Variants in LPCAT3 observed in about 807,000 individuals in gnomAD.
LPCAT3 encodes the protein lysophosphatidylcholine acyltransferase 3, also known as lysophospholipid acyltransferase 5.
A neutral mutation model predicts 63.4 loss-of-function variants in LPCAT3; 21 were observed. The observed-to-expected ratio is 0.33, with a 90% CI of 0.23 to 0.48. The LOEUF (loss-of-function observed/expected upper bound fraction) is 0.48. Among genes scored for constraint, LPCAT3 ranks in the 20% least tolerant of loss-of-function variants. The pLI is 0.99. For missense variants in LPCAT3, 451 were observed against 590.6 expected, an observed-to-expected ratio of 0.76 and a Z score of 2.45; for synonymous variants, 242 against 227.5, an observed-to-expected ratio of 1.06 and a Z score of -0.58.
At chr12:6,997,153 CCTT>C (rs1946643626) in intron 1 of LPCAT3, 1 of 152,150 alleles carries the variant, frequency 6.6e-6, no homozygotes, top group Non-Finnish European at 1.5e-5. Flanking sequence ...TGTATATCCT[CCTT>C]TCACATTTTA....
At position 7,008,751 on chromosome 12, in the gene LPCAT3, C is replaced by CA. The variant is rs373623440; in HGVS notation, c.151+9522dup. Reference sequence around the variant, plus strand: ...TGGGCAACAAAGTGAGACTCCATCTCAAAAAAAAAACAAAAAACACAACTC... The same window carrying CA: ...TGGGCAACAAAGTGAGACTCCATCTCAAAAAAAAAAACAAAAAACACAACTC... On this transcript the variant is annotated intron_variant, in intron 1 of 12. Transcript: ENST00000261407. Among the ~76,000 whole-genome samples the CA allele has an allele frequency of 8.1e-3, 1,122 of 138,214 alleles. 8 individuals carry two copies. The highest frequency in any genetic ancestry group is 0.071 in the South Asian group (304 of 4,304). The allele number at this position is 138,214 out of a possible 152,430, so 90.7% of individuals were successfully genotyped here.
At chr12:6,979,616 G>T in intron 6 of LPCAT3, 37 bp from the exon 7 acceptor site, 2 of 1,401,054 alleles carry the variant, frequency 1.4e-6, no homozygotes, top group Non-Finnish European at 2.0e-6. Context: ...GTCACAGAGA[G>T]CAGAGACTAT....
At chr12:7,005,950 G>T (rs1021957160) in intron 1 of LPCAT3, among the ~76,000 whole-genome samples, 5 of 152,040 alleles carry the variant, frequency 3.3e-5, no homozygotes, top group Non-Finnish European at 2.9e-5. Context: ...CATACCAGCT[G>T]GAAATCTACT....
At chr12:6,982,860 TA>T in intron 2 of LPCAT3, 78 bp from the exon 3 acceptor site, 7 of 900,252 alleles carry the variant, frequency 7.8e-6, no homozygotes, top group Non-Finnish European at 1.2e-5. Flanking sequence ...ACGTAATATA[TA>T]AAGAAAAAAT....
Position 7,013,665 on chromosome 12 carries a change from G to A in LPCAT3, c.151+4609C>T, listed in dbSNP as rs375508658. 5.3e-5 allele frequency among the ~76,000 whole-genome samples: 8 copies of A among 152,240 alleles called. 1 individual carries two copies. Among genetic ancestry groups the A allele is most frequent in the African/African-American group, 7.2e-5 (3 of 41,524 alleles). On this transcript the variant is annotated intron_variant, in intron 1 of 12. Transcript: ENST00000261407. ...TGTCTACAGAATCTACCTTTCAAAAGGTTCCGGTATTCCTAGACCATCTCA... is the reference window on the plus strand; with the variant it reads ...TGTCTACAGAATCTACCTTTCAAAAAGTTCCGGTATTCCTAGACCATCTCA...
At chr12:7,011,261 C>T (rs1279984653) in intron 1 of LPCAT3, among the ~76,000 whole-genome samples, 2 of 152,180 alleles carry the variant, frequency 1.3e-5, no homozygotes, top group East Asian at 3.9e-4. Flanking sequence ...GTCTTGAACT[C>T]CCGGACTCAA....
chr12:6,989,365 A>G (rs1326510289), intron 1 of LPCAT3, among the ~76,000 whole-genome samples: 3 of 141,716 alleles, frequency 2.1e-5, no homozygotes, highest in East Asian at 2.1e-4. Context: ...GCTGGAGTGC[A>G]GTGGTGCAAT....
chr12:6,979,152 A>G, intron 7 of LPCAT3: 1 of 372,430 alleles, frequency 2.7e-6, no homozygotes, highest in Non-Finnish European at 4.9e-6. Context: ...TCAAGAGAAG[A>G]AAATAGGATG....
intron 1 of LPCAT3, among the ~76,000 whole-genome samples, chr12:6,998,730 T>C (rs782451023): frequency 3.9e-4 from 60 of 152,352 alleles, no homozygotes; most frequent in African/African-American, 1.4e-3. Flanking sequence ...GCCTTGTTGC[T>C]AGTACAGGCA....
At chr12:7,007,843 T>G (rs1268574029) in intron 1 of LPCAT3, among the ~76,000 whole-genome samples, 2 of 152,190 alleles carry the variant, frequency 1.3e-5, no homozygotes, top group Non-Finnish European at 2.9e-5. Flanking sequence ...ATGGTTAAAG[T>G]GAAGCATTTA....
chr12:6,977,037 G>T lies in LPCAT3; in HGVS notation c.*12+97C>A. 1.3e-6 allele frequency: 1 copy of T among 794,490 alleles called. No homozygotes were observed. The highest frequency in any genetic ancestry group is 2.2e-6 in the Non-Finnish European group (1 of 464,948). 49.2% of individuals were successfully genotyped at this position (794,490 alleles called of 1,614,324 possible). A position where few individuals can be genotyped will look rare whatever the true frequency, so the allele number is the denominator to read the frequency against. ...TTCCTTAGTAGCCAGGCTAATCCTT[G>T]GAATTCACCCCAGATTTCTAATACT... On this transcript the variant is annotated intron_variant, in intron 12 of 12. Coordinates refer to ENST00000261407, the MANE Select transcript of LPCAT3 (RefSeq NM_005768.6). This position sits in a 1 kb window ranked among gnomAD's most constrained non-coding sequence, Gnocchi z 4.5.
At chr12:7,002,191 CCTCT>C (rs1219424519) in intron 1 of LPCAT3, among the ~76,000 whole-genome samples, 1 of 152,120 alleles carries the variant, frequency 6.6e-6, no homozygotes, top group Non-Finnish European at 1.5e-5. Context: ...TCTCTCCTGC[CCTCT>C]CTGTTACTGC....
chr12:6,987,659 C>T lies in LPCAT3; in HGVS notation c.152-4120G>A. On this transcript the variant is annotated intron_variant, in intron 1 of 12. Transcript: ENST00000261407. This position sits in a 1 kb window ranked among gnomAD's most constrained non-coding sequence, Gnocchi z 4.1. ...TATCTAGAGCACTCATAAATAAGTT[C>T]TAGGTAGCTAAGTTTCTCTCTTTAA... 2.5e-6 allele frequency: 1 copy of T among 395,262 alleles called. No homozygotes were observed. Among genetic ancestry groups the T allele is most frequent in the East Asian group, 3.6e-5 (1 of 27,890 alleles). 24.5% of individuals were successfully genotyped at this position (395,262 alleles called of 1,614,324 possible).
chr12:7,018,257 G>T lies in LPCAT3; in HGVS notation c.151+17C>A. ...GGGGACTCCGCGAGGGGCGGAGGGA[G>T]GCAGGAGGGTCCTTACCCAGGAAGA... is the stretch of plus-strand genomic sequence containing the variant. On this transcript the variant is annotated intron_variant, in intron 1 of 12. Transcript: ENST00000261407. This position sits in a 1 kb window ranked among gnomAD's most constrained non-coding sequence, Gnocchi z 4.9. The T allele has an allele frequency of 6.3e-7, 1 of 1,587,552 alleles. No homozygotes were observed.
chr12:6,993,280 A>G (rs1195026660), intron 1 of LPCAT3, among the ~76,000 whole-genome samples: 3 of 151,918 alleles, frequency 2.0e-5, no homozygotes, highest in Admixed American at 1.3e-4. Context: ...TCTACTAACA[A>G]AAAATTAGCT....
intron 1 of LPCAT3, among the ~76,000 whole-genome samples, chr12:7,014,526 C>T (rs1946784820): frequency 6.6e-6 from 1 of 152,150 alleles, no homozygotes; most frequent in Non-Finnish European, 1.5e-5. Context: ...TCTGACTGCT[C>T]AAAATACTCC....
intron 1 of LPCAT3, among the ~76,000 whole-genome samples, chr12:7,007,434 TA>T (rs1946733549): frequency 6.6e-6 from 1 of 151,100 alleles, no homozygotes; most frequent in Non-Finnish European, 1.5e-5. Flanking sequence ...AGTTTTCTTA[TA>T]AAAGTGCCAT....
rs1408359551 is a variant in LPCAT3, at chr12:6,987,598, G to A, written c.152-4059C>T. Reference sequence around the variant, plus strand: ...TTATTTTTACTTTTGTTTTAGTAACGGGGTATAAATAAAAAAATATAAAAC... The same window carrying A: ...TTATTTTTACTTTTGTTTTAGTAACAGGGTATAAATAAAAAAATATAAAAC... On this transcript the variant is annotated intron_variant, in intron 1 of 12. Transcript: ENST00000261407. This position sits in a 1 kb window ranked among gnomAD's most constrained non-coding sequence, Gnocchi z 4.1. Among the ~76,000 whole-genome samples the A allele has an allele frequency of 2.0e-5, 3 of 152,050 alleles. No individual in the cohort carries two copies. The highest frequency in any genetic ancestry group is 4.8e-5 in the African/African-American group (2 of 41,372).
intron 1 of LPCAT3, among the ~76,000 whole-genome samples, chr12:7,011,388 G>A (rs1466538293): frequency 6.6e-6 from 1 of 152,136 alleles, no homozygotes; most frequent in Non-Finnish European, 1.5e-5. Context: ...GCTTATGCCT[G>A]TAATCTCAGC....
Sources: gnomAD v4.1 joint callset for allele counts (sites outside exome capture counted in the v4.1 genomes callset) on GRCh38, gnomAD v4.1.1 for gene constraint, Gnocchi (gnomAD v3.1) non-coding constraint, MANE v1.5 for transcripts, NCBI Gene and HGNC (gene_info 2026-07-23, HGNC 2026-07-21) for gene names.